PDXDC1: variants seen among roughly 807,000 people sequenced by gnomAD.
PDXDC1 encodes pyridoxal dependent decarboxylase domain containing 1.
In PDXDC1, 42 loss-of-function variants were observed where a neutral mutation model predicts 100.1. The observed-to-expected ratio is 0.42, with a 90% CI of 0.33 to 0.54. The LOEUF is 0.54. PDXDC1 is among the 20% of genes least tolerant of loss of function. PDXDC1 has a pLI of 0.10. For missense variants in PDXDC1, 636 were observed against 979.2 expected, an observed-to-expected ratio of 0.65 and a Z score of 4.68; for synonymous variants, 260 against 371.7, an observed-to-expected ratio of 0.70 and a Z score of 3.46.
At chr16:15,090,189 G>C (rs573154989) in intron 16 of PDXDC1, among the ~76,000 whole-genome samples, 1 of 151,570 alleles carries the variant, frequency 6.6e-6, no homozygotes, top group Non-Finnish European at 1.5e-5. Flanking sequence ...CAGCCTGCGT[G>C]GTAAGAAGGA....
At chr16:15,071,423 G>A (rs564789449) in intron 16 of PDXDC1, among the ~76,000 whole-genome samples, 4 of 152,212 alleles carry the variant, frequency 2.6e-5, no homozygotes, top group South Asian at 4.1e-4. Context: ...AAAACAAAAG[G>A]CACCTCGGGT....
At chr16:14,980,865 G>C (rs1185727246) in intron 1 of PDXDC1, among the ~76,000 whole-genome samples, 1 of 152,292 alleles carries the variant, frequency 6.6e-6, no homozygotes, top group African/African-American at 2.4e-5. Context: ...CTCCCAAAGT[G>C]CTGGGATTAC....
chr16:14,992,541 T>G (rs958577030), intron 1 of PDXDC1, among the ~76,000 whole-genome samples: 2 of 152,298 alleles, frequency 1.3e-5, no homozygotes. Flanking sequence ...CTGTCTGCAC[T>G]GAGGCCTTTT....
chr16:15,080,877 T>TTCAA (rs2045670754), intron 16 of PDXDC1, among the ~76,000 whole-genome samples: 1 of 151,766 alleles, frequency 6.6e-6, no homozygotes, highest in Non-Finnish European at 1.5e-5. Context: ...GTTTTTAGGG[T>TTCAA]TCAATCATGT....
intron 16 of PDXDC1, among the ~76,000 whole-genome samples, chr16:15,082,023 C>G (rs1463067938): frequency 6.6e-6 from 1 of 152,178 alleles, no homozygotes; most frequent in African/African-American, 2.4e-5. Flanking sequence ...TGTGTGTAAA[C>G]TCCTTAGAAT....
At chr16:15,135,551 C>T (rs2048308549) in intron 16 of PDXDC1, 3 of 1,040,790 alleles carry the variant, frequency 2.9e-6, no homozygotes, top group Non-Finnish European at 4.4e-6. Context: ...CCACCAGGCA[C>T]TGAGGACGGG....
At chr16:15,040,971 C>A (rs1662437429), downstream of PDXDC1, 1 of 849,248 alleles carries the variant, frequency 1.2e-6, no homozygotes, top group African/African-American at 1.7e-5. Flanking sequence ...CCAAAGCTGT[C>A]CCATCCTGAC....
At chr16:15,055,639 G>A (rs2044479322) in intron 16 of PDXDC1, 4 of 341,106 alleles carry the variant, frequency 1.2e-5, no homozygotes, top group Non-Finnish European at 2.1e-5. Context: ...GTGCGACCTT[G>A]GGCAAGTCAC....
intron 16 of PDXDC1, among the ~76,000 whole-genome samples, chr16:15,089,567 A>G (rs1280270178): frequency 5.9e-5 from 9 of 152,106 alleles, no homozygotes; most frequent in East Asian, 1.9e-4. Flanking sequence ...TTGGGAGGCC[A>G]AGGCGGGCGG....
chr16:15,055,601 T>C (rs953959484), intron 16 of PDXDC1: 4 of 294,062 alleles, frequency 1.4e-5, no homozygotes, highest in Admixed American at 5.2e-5. Flanking sequence ...GGAATGGGGG[T>C]CCCGGCGTGT....
intron 12 of PDXDC1, among the ~76,000 whole-genome samples, chr16:15,021,906 G>A (rs2042238591): frequency 6.6e-6 from 1 of 152,298 alleles, no homozygotes; most frequent in Non-Finnish European, 1.5e-5. Flanking sequence ...GCACCATGAA[G>A]TACTTTCATG....
chr16:15,069,232 G>A (rs143858593), intron 16 of PDXDC1, among the ~76,000 whole-genome samples: 44 of 152,174 alleles, frequency 2.9e-4, no homozygotes, highest in South Asian at 2.1e-4. Context: ...GGGGGTGGTC[G>A]GGGACTGCTG....
downstream of PDXDC1, among the ~76,000 whole-genome samples, chr16:15,141,577 G>A (rs1193334566): frequency 6.6e-6 from 1 of 152,222 alleles, no homozygotes; most frequent in Admixed American, 6.5e-5. Flanking sequence ...CTGGGGGCCA[G>A]GCACACAGGG....
intron 16 of PDXDC1, chr16:15,127,457 A>G (rs758957854): frequency 7.7e-6 from 12 of 1,553,394 alleles, no homozygotes; most frequent in Non-Finnish European, 8.7e-6. Flanking sequence ...CCCGGTCCCC[A>G]GCCCCAGCCC....
At chr16:15,130,860 C>A in intron 16 of PDXDC1, 1 of 722,446 alleles carries the variant, frequency 1.4e-6, no homozygotes, top group South Asian at 1.5e-5. Context: ...CCACGATGGC[C>A]CTCCTGAGCC....
chr16:15,094,106 T>C, intron 16 of PDXDC1: 6 of 1,543,102 alleles, frequency 3.9e-6, no homozygotes, highest in Non-Finnish European at 4.4e-6. Context: ...TCCTGAGCTT[T>C]CGTCCCAGAT....
chr16:15,038,448 G>A (rs1272092707), downstream of PDXDC1: 11 of 644,232 alleles, frequency 1.7e-5, no homozygotes, highest in East Asian at 2.7e-5. Flanking sequence ...GTCTGTCAAT[G>A]GCATCCAAAA....
At chr16:15,033,095 G>A (rs976117936) in intron 18 of PDXDC1, 116 bp downstream of exon 18, 13 of 963,470 alleles carry the variant, frequency 1.3e-5, no homozygotes, top group East Asian at 4.8e-5. Context: ...GGTTCCAGGC[G>A]AAGATGCGGT....
chr16:15,086,918 C>T (rs1440819941), intron 16 of PDXDC1, among the ~76,000 whole-genome samples: 1 of 152,278 alleles, frequency 6.6e-6, no homozygotes, highest in East Asian at 1.9e-4. Flanking sequence ...CTTTTCTAAA[C>T]CAAACCTGTG....
Sources: gnomAD v4.1 joint callset for allele counts (sites outside exome capture counted in the v4.1 genomes callset) on GRCh38, gnomAD v4.1.1 for gene constraint, MANE v1.5 for transcripts, NCBI Gene and HGNC (gene_info 2026-07-23, HGNC 2026-07-21) for gene names.